GAN: variants seen among roughly 807,000 people sequenced by gnomAD.
The protein encoded by GAN is epididymis secretory sperm binding protein.
A neutral mutation model predicts 71.3 loss-of-function variants in GAN; 48 were observed. The observed-to-expected ratio is 0.67, with a 90% CI of 0.53 to 0.86. The LOEUF (loss-of-function observed/expected upper bound fraction) is 0.86, where lower values mean the gene tolerates loss of function less well. GAN is among the 40% of genes least tolerant of loss of function. GAN has a pLI of 0.00. For synonymous variants in GAN, 386 were observed against 276.8 expected (o/e 1.39, Z -3.92); for missense variants, 928 against 770.1 (o/e 1.21, Z -2.43).
At chr16:81,353,601 C>G (rs563925362) in intron 2 of GAN, among the ~76,000 whole-genome samples, 1 of 152,138 alleles carries the variant, frequency 6.6e-6, no homozygotes, top group African/African-American at 2.4e-5. Flanking sequence ...CTATACTCCT[C>G]ATGAAGTCTC....
chr16:81,331,142 C>T (rs1172106423), intron 1 of GAN, among the ~76,000 whole-genome samples: 1 of 152,202 alleles, frequency 6.6e-6, no homozygotes, highest in Non-Finnish European at 1.5e-5. Context: ...AAGTTTGAGG[C>T]TGCAGTGATC....
chr16:81,316,417 G>A (rs1036400957), intron 1 of GAN, among the ~76,000 whole-genome samples: 2 of 138,942 alleles, frequency 1.4e-5, no homozygotes, highest in South Asian at 2.2e-4. Context: ...AAGTGCCCTT[G>A]TAACTTCTGG....
At chr16:81,376,849 A>C (rs568075131) in intron 9 of GAN, among the ~76,000 whole-genome samples, 8 of 152,184 alleles carry the variant, frequency 5.3e-5, no homozygotes, top group South Asian at 4.2e-4. Flanking sequence ...TGCACTCGGG[A>C]GGCCCTGTCT....
At chr16:81,369,014 T>C (rs1174320876) in intron 9 of GAN, among the ~76,000 whole-genome samples, 1 of 152,240 alleles carries the variant, frequency 6.6e-6, no homozygotes, top group African/African-American at 2.4e-5. Flanking sequence ...TTCTTTCACA[T>C]ATCGTATACT....
chr16:81,368,706 T>G (rs977662851), intron 9 of GAN, among the ~76,000 whole-genome samples: 1 of 152,182 alleles, frequency 6.6e-6, no homozygotes, highest in African/African-American at 2.4e-5. Context: ...TTTTCACATT[T>G]CCCACCTTCC....
intron 1 of GAN, among the ~76,000 whole-genome samples, chr16:81,316,321 C>G (rs1425470772): frequency 6.8e-6 from 1 of 147,442 alleles, no homozygotes; most frequent in Non-Finnish European, 1.5e-5. Context: ...GTATTCTTAG[C>G]GCTTTGTCCC....
At chr16:81,351,542 T>C (rs776602704) in intron 1 of GAN, 41 bp from the exon 2 acceptor site, 1 of 833,820 alleles carries the variant, frequency 1.2e-6, no homozygotes, top group Non-Finnish European at 2.1e-6. Flanking sequence ...TAGCTATTTC[T>C]GTTCTTTCAT....
At chr16:81,365,297 G>A (rs1597407244) in intron 8 of GAN, 53 bp from the exon 9 acceptor site, 1 of 1,611,740 alleles carries the variant, frequency 6.2e-7, no homozygotes. Context: ...ACGCGGGAGT[G>A]AGATCTCGCA....
chr16:81,326,781 C>T (rs1034860924), intron 1 of GAN, among the ~76,000 whole-genome samples: 2 of 152,120 alleles, frequency 1.3e-5, no homozygotes, highest in Admixed American at 1.3e-4. Context: ...AACACAGCGG[C>T]AAGTATATGT....
chr16:81,363,729 A>T (rs1473839640), intron 6 of GAN, 65 bp from the exon 7 acceptor site: 1 of 1,486,410 alleles, frequency 6.7e-7, no homozygotes. Context: ...TATTAAGTGT[A>T]TGAATATCAG....
intron 1 of GAN, among the ~76,000 whole-genome samples, chr16:81,335,238 G>GT (rs1909716243): frequency 1.3e-5 from 2 of 152,134 alleles, no homozygotes; most frequent in Non-Finnish European, 2.9e-5. Flanking sequence ...GATTTAATTG[G>GT]CCCAGTTTGG....
rs1597416072 is a variant in GAN, at chr16:81,381,364, C to G, written c.*3768C>G. ...AGGCCTCCCGTGGTCAGATGAAGAC[C>G]TTTGGTTAAATGGGGGAAGAATGAG... is the stretch of plus-strand genomic sequence containing the variant. On this transcript the variant is annotated 3_prime_UTR_variant, in exon 11 of 11. Transcript: ENST00000648994. 1 of 152,264 alleles carries G rather than the reference C, an allele frequency of 6.6e-6. No homozygotes were observed. The highest frequency in any genetic ancestry group is 1.9e-4 in the East Asian group (1 of 5,184). 9.4% of individuals were successfully genotyped at this position (152,264 alleles called of 1,614,324 possible).
At position 81,357,849 on chromosome 16, in the gene GAN, T is replaced by A. The variant is rs1439332647; in HGVS notation, c.891T>A (p.Pro297=). 1 of 1,613,242 alleles carries A rather than the reference T, an allele frequency of 6.2e-7. No individual in the cohort carries two copies. Among genetic ancestry groups the A allele is most frequent in the African/African-American group, 1.3e-5 (1 of 74,928 alleles). The change falls in exon 5 of 11, where the codon CCT becomes CCA. Residue 297 remains proline, a synonymous_variant. Coordinates refer to ENST00000648994, the MANE Select transcript of GAN (RefSeq NM_022041.4). Reference sequence around the variant, plus strand: ...CAGCAGCGATGCGATGCATGTGCCCTCTCTATGACCCTAACAGGCAGCTTT... The same window carrying A: ...CAGCAGCGATGCGATGCATGTGCCCACTCTATGACCCTAACAGGCAGCTTT... ...KPTAAMRCMC[P]LYDPNRQLWI...
At chr16:81,360,326 G>C (rs1191806373) in intron 5 of GAN, among the ~76,000 whole-genome samples, 2 of 152,104 alleles carry the variant, frequency 1.3e-5, no homozygotes, top group African/African-American at 4.8e-5. Context: ...GGATATTTTT[G>C]CTGAGTATAG....
At chr16:81,343,954 G>C (rs949531219) in intron 1 of GAN, among the ~76,000 whole-genome samples, 1 of 152,178 alleles carries the variant, frequency 6.6e-6, no homozygotes, top group Admixed American at 6.5e-5. Context: ...AAAATCACAA[G>C]TGTTGCTATA....
At chr16:81,366,918 G>A (rs527499223) in intron 9 of GAN, among the ~76,000 whole-genome samples, 20 of 152,086 alleles carry the variant, frequency 1.3e-4, no homozygotes, top group South Asian at 8.3e-4. Flanking sequence ...TCTGCCTCCC[G>A]GGTTCAAGCG....
chr16:81,333,487 C>T (rs991831701), intron 1 of GAN, among the ~76,000 whole-genome samples: 1 of 152,058 alleles, frequency 6.6e-6, no homozygotes, highest in Non-Finnish European at 1.5e-5. Flanking sequence ...TAGTTAGGGA[C>T]AACTGGGGAG....
rs1486477351 is a variant in GAN at position 81,315,070 on chromosome 16, C to A, written c.-44C>A. On this transcript the variant is annotated 5_prime_UTR_variant, in exon 1 of 11. Transcript: ENST00000648994. ...GGGCCGCTCGAGGGGTCCGGCCGGA[C>A]GGTGTCGGGAGCCGGACCCGTCGGC... 6 of 1,421,162 alleles carry A rather than the reference C, an allele frequency of 4.2e-6. No individual in the cohort carries two copies. The African/African-American group carries it at 7.5e-5, about 18-fold the overall frequency. The allele number at this position is 1,421,162 out of a possible 1,614,324, so 88.0% of individuals were successfully genotyped here.
intron 1 of GAN, among the ~76,000 whole-genome samples, chr16:81,345,710 G>A (rs760179842): frequency 2.9e-4 from 44 of 152,264 alleles, no homozygotes; most frequent in Non-Finnish European, 5.0e-4. Flanking sequence ...AAAATTGTAC[G>A]TTCTGCACAT....
Sources: allele counts gnomAD v4.1 joint callset (sites outside exome capture counted in the v4.1 genomes callset), GRCh38; gene constraint gnomAD v4.1.1; transcripts MANE v1.5; gene names NCBI Gene and HGNC (gene_info 2026-07-23, HGNC 2026-07-21).